Variants in NBPF19 observed in about 807,000 individuals in gnomAD.
The protein encoded by NBPF19 is NBPF family member NBPF19.
NBPF19 carries 30 observed loss-of-function variants against 45.9 expected under a neutral mutation model. That is an observed-to-expected ratio of 0.65 (90% CI 0.49 to 0.89). The LOEUF is 0.89. Among genes scored for constraint, NBPF19 ranks in the 40% least tolerant of loss-of-function variants. The pLI is 0.00. For missense variants in NBPF19, 495 were observed against 471.8 expected, an observed-to-expected ratio of 1.05 and a Z score of -0.46; for synonymous variants, 183 against 181.2, an observed-to-expected ratio of 1.01 and a Z score of -0.08.
At chr1:149,521,133 T>A (rs1303180429) in intron 51 of NBPF19, among the ~76,000 whole-genome samples, 186 bp from the exon 52 acceptor site, 1 of 83,178 alleles carries the variant, frequency 1.2e-5, no homozygotes, top group African/African-American at 4.8e-5. Context: ...TCTCTGTCTT[T>A]CTCTTTCATT....
At position 149,484,461 on chromosome 1, in the gene NBPF19, C is replaced by T. The variant is rs1195035439; in HGVS notation, c.825-1669C>T. On this transcript the variant is annotated intron_variant, in intron 7 of 93. Transcript: ENST00000651566. ...TGTATACATATGTAACTAACCTGCA[C>T]GTTGTGCACATGTACCCTAAGACTT... Among the ~76,000 whole-genome samples the T allele has an allele frequency of 2.8e-5, 4 of 143,628 alleles. 1 individual carries two copies. Among genetic ancestry groups the T allele is most frequent in the South Asian group, 4.7e-4 (2 of 4,236 alleles). The allele number at this position is 143,628 out of a possible 152,430, so 94.2% of individuals were successfully genotyped here.
In NBPF19 at chr1:149,554,534, C is replaced by G. The variant is rs1253640497; in HGVS notation, c.11328C>G (p.Val3776=). The change falls in exon 94 of 94, where the codon GTC becomes GTG. Residue 3776 remains valine (V), a synonymous_variant. Transcript: ENST00000651566. ...TGATGGAAGTGGAAGAGCCTGAAGT[C>G]TTACAGGACTCACTGGATGGATGTT... ...SVLMEVEEPE[V]LQDSLDGCYS... The G allele has an allele frequency of 6.2e-6, 10 of 1,608,132 alleles. 1 individual carries two copies. The African/African-American group carries it at 9.4e-5, about 15-fold the overall frequency.
In NBPF19 at chr1:149,515,075, G is replaced by T; in HGVS notation, c.5290G>T (p.Glu1764Ter). Residue 1764 changes from glutamate to a stop codon, truncating the protein, a stop_gained, in exon 44 of 94, where the codon GAA (glutamate) becomes TAA (stop). Transcript: ENST00000651566. LOFTEE classifies it high-confidence loss of function. Reference protein sequence around the residue: ...PYGSSFYALEEKHVGFSLDVG... With the variant: ...PYGSSFYALE ...TGGAAGTTCCTTTTATGCATTGGAG[G>T]AAAAACATGTTGGCTTTTCTCTTGA... is the stretch of plus-strand genomic sequence containing the variant. 3 of 777,154 alleles carry T rather than the reference G, an allele frequency of 3.9e-6. 1 individual carries two copies. The highest frequency in any genetic ancestry group is 6.5e-6 in the Non-Finnish European group (3 of 462,884). 48.1% of individuals were successfully genotyped at this position (777,154 alleles called of 1,614,324 possible).
At chr1:149,514,628 TC>T (rs1269786981) in intron 43 of NBPF19, among the ~76,000 whole-genome samples, 11 of 96,974 alleles carry the variant, frequency 1.1e-4, no homozygotes, top group Admixed American at 2.2e-4. Flanking sequence ...ACTCAGAGTG[TC>T]CTGTTACTCC....
Position 149,487,355 on chromosome 1 carries a change from A to T in NBPF19, c.1012A>T (p.Lys338Ter), listed in dbSNP as rs1570981091. Residue 338 changes from lysine to a stop codon, truncating the protein, a stop_gained, in exon 9 of 94, where the codon AAG (lysine) becomes TAG (stop). Coordinates refer to ENST00000651566, the MANE Select transcript of NBPF19 (RefSeq NM_001351365.2). LOFTEE classifies it high-confidence loss of function. Reference protein sequence around the residue: ...IGRHRWDQVKKEDQEATGPRL... With the variant: ...IGRHRWDQVK ...AGGACATCGCTGGGATCAAGTGAAA[A>T]AGGAGGACCAAGAGGCAACAGGTCC... is the stretch of plus-strand genomic sequence containing the variant. 1 of 1,562,508 alleles carries T rather than the reference A, an allele frequency of 6.4e-7. No individual in the cohort carries two copies. The highest frequency in any genetic ancestry group is 1.7e-5 in the Admixed American group (1 of 59,798).
rs1432263226 is a variant in NBPF19, at chr1:149,477,194, C to T, written c.176-751C>T. Among the ~76,000 whole-genome samples, 10 of 150,254 alleles carry T rather than the reference C, an allele frequency of 6.7e-5. 1 individual carries two copies. Among genetic ancestry groups the T allele is most frequent in the Middle Eastern group, 3.2e-3 (1 of 310 alleles). Reference sequence around the variant, plus strand: ...TCAGAGGGTACTACAATAATACCTACCTCTGTAAATTGCTGCAATGAATTA... The same window carrying T: ...TCAGAGGGTACTACAATAATACCTATCTCTGTAAATTGCTGCAATGAATTA... On this transcript the variant is annotated intron_variant, in intron 2 of 93. Coordinates refer to ENST00000651566, the MANE Select transcript of NBPF19 (RefSeq NM_001351365.2).
Position 149,475,189 on chromosome 1 carries a change from T to A in NBPF19, c.-642T>A, listed in dbSNP as rs1251458419. On this transcript the variant is annotated 5_prime_UTR_variant, in exon 1 of 94. An upstream open reading frame in the 5' UTR loses its in-frame stop. Coordinates refer to ENST00000651566, the MANE Select transcript of NBPF19 (RefSeq NM_001351365.2). ...TACTGAGACAGGAAAGAAAATATTTTAAAAAAATGAATTATTCATTCACTT... is the reference window on the plus strand; with the variant it reads ...TACTGAGACAGGAAAGAAAATATTTAAAAAAAATGAATTATTCATTCACTT... 1.7e-4 allele frequency among the ~76,000 whole-genome samples: 26 copies of A among 149,534 alleles called. No individual in the cohort carries two copies. Among genetic ancestry groups the A allele is most frequent in the Admixed American group, 2.0e-4 (3 of 14,940 alleles).
intron 7 of NBPF19, among the ~76,000 whole-genome samples, chr1:149,484,359 A>T: frequency 1.5e-5 from 1 of 65,096 alleles, no homozygotes. Flanking sequence ...GGGTGGGGGG[A>T]GGGAGGAGGG....
chr1:149,554,881 A>T lies in NBPF19; in HGVS notation c.*143A>T. 2 of 1,445,678 alleles carry T rather than the reference A, an allele frequency of 1.4e-6. No homozygotes were observed. Among genetic ancestry groups the T allele is most frequent in the Non-Finnish European group, 1.9e-6 (2 of 1,060,558 alleles). The allele number at this position is 1,445,678 out of a possible 1,614,324, so 89.6% of individuals were successfully genotyped here. A position where few individuals can be genotyped will look rare whatever the true frequency, so the allele number is the denominator to read the frequency against. ...ATGGCTCTTTTCCTATTCTCAAACCATGCCAGTGGCAACCTGTGCTCAGTC... is the reference window on the plus strand; with the variant it reads ...ATGGCTCTTTTCCTATTCTCAAACCTTGCCAGTGGCAACCTGTGCTCAGTC... On this transcript the variant is annotated 3_prime_UTR_variant, in exon 94 of 94. Transcript: ENST00000651566.
chr1:149,477,549 C>T (rs1326610207), intron 2 of NBPF19, among the ~76,000 whole-genome samples: 2 of 151,192 alleles, frequency 1.3e-5, no homozygotes, highest in African/African-American at 2.4e-5. Context: ...CCATCAGTCC[C>T]ATAGTCCTAG....
chr1:149,554,344 C>A (rs1457666938), intron 93 of NBPF19, among the ~76,000 whole-genome samples, 151 bp from the exon 94 acceptor site: 13 of 150,944 alleles, frequency 8.6e-5, no homozygotes, highest in African/African-American at 2.7e-4. Context: ...TCTATCCCAA[C>A]ATAAAGGCAA....
Position 149,554,763 on chromosome 1 carries a change from G to A in NBPF19, c.*25G>A. On this transcript the variant is annotated 3_prime_UTR_variant, in exon 94 of 94. Transcript: ENST00000651566. ...GGCAGCCCTTACTAAGCCGAGAGAT[G>A]TCATTCCTGCAGGCAGGACCTATAG... 2.5e-6 allele frequency: 4 copies of A among 1,607,694 alleles called. No homozygotes were observed. The highest frequency in any genetic ancestry group is 2.7e-5 in the African/African-American group (2 of 74,756).
intron 2 of NBPF19, among the ~76,000 whole-genome samples, chr1:149,476,938 C>G (rs1238841218): frequency 6.6e-6 from 1 of 150,538 alleles, no homozygotes; most frequent in African/African-American, 2.4e-5. Context: ...CGTCAAAAAA[C>G]AAACAAACAA....
At chr1:149,487,916 T>A (rs1260289692) in intron 9 of NBPF19, 97 bp from the exon 10 acceptor site, 6 of 736,864 alleles carry the variant, frequency 8.1e-6, no homozygotes, top group African/African-American at 7.1e-5. Context: ...TCCTTTTTCT[T>A]TTCAAACTCT....
intron 9 of NBPF19, among the ~76,000 whole-genome samples, 181 bp downstream of exon 9, chr1:149,487,564 C>A (rs1435473879): frequency 2.7e-5 from 4 of 150,618 alleles, no homozygotes; most frequent in Non-Finnish European, 5.9e-5. Context: ...TTCTTCCTAC[C>A]CTTATCATTT....
In NBPF19 at chr1:149,514,710, T is replaced by TGC. The variant is rs1244793767; in HGVS notation, c.5151-225_5151-224insCG. Among the ~76,000 whole-genome samples, 171 of 76,376 alleles carry TGC rather than the reference T, an allele frequency of 2.2e-3. 2 individuals carry two copies. Among genetic ancestry groups the TGC allele is most frequent in the Admixed American group, 0.011 (61 of 5,660 alleles). 50.1% of individuals were successfully genotyped at this position (76,376 alleles called of 152,430 possible). ...CTCTCTCTCTGTGTGTGTGTGTGTG[T>TGC]GTGTGTGTGTGTGTGTGTGTGTGTG... On this transcript the variant is annotated intron_variant, in intron 43 of 93. Coordinates refer to ENST00000651566, the MANE Select transcript of NBPF19 (RefSeq NM_001351365.2).
chr1:149,487,772 G>C (rs3108133), intron 9 of NBPF19, among the ~76,000 whole-genome samples: 1 of 128,108 alleles, frequency 7.8e-6, no homozygotes, highest in Non-Finnish European at 1.6e-5. Flanking sequence ...GACTGAGCTC[G>C]CTCTGTGTGT....
intron 3 of NBPF19, 113 bp from the exon 4 acceptor site, chr1:149,478,767 C>A (rs1427981650): frequency 3.6e-5 from 43 of 1,202,508 alleles, no homozygotes; most frequent in Non-Finnish European, 2.0e-5. Context: ...CATGTGCTGA[C>A]CTTCTGCTTG....
chr1:149,475,535 G>A lies in NBPF19; in HGVS notation c.-296G>A, dbSNP rs1393818880. On this transcript the variant is annotated 5_prime_UTR_variant, in exon 1 of 94. It adds an upstream start codon to the 5' untranslated region. Transcript: ENST00000651566. The stretch of plus-strand genomic sequence containing the variant: ...GATCCCCATTGGTGGTGACCCTCAG[G>A]TGAAAGTAGGGTGCCTGTGTTTCAG... 1.2e-5 allele frequency: 10 copies of A among 842,118 alleles called. No homozygotes were observed. Among genetic ancestry groups the A allele is most frequent in the Middle Eastern group, 7.1e-4 (2 of 2,812 alleles). The allele number at this position is 842,118 out of a possible 1,614,324, so 52.2% of individuals were successfully genotyped here.
Sources: allele counts gnomAD v4.1 joint callset (sites outside exome capture counted in the v4.1 genomes callset), GRCh38; gene constraint gnomAD v4.1.1; transcripts MANE v1.5; gene names NCBI Gene and HGNC (gene_info 2026-07-23, HGNC 2026-07-21).